Variants in TCF7L1 observed in about 807,000 individuals in gnomAD.
TCF7L1 encodes transcription factor 7 like 1.
Under a neutral mutation model 63.7 loss-of-function variants are expected in TCF7L1, and 18 were observed. The observed-to-expected ratio is 0.28, with a 90% CI of 0.20 to 0.42. TCF7L1 has a LOEUF of 0.42. TCF7L1 is among the 10% of genes least tolerant of loss of function. TCF7L1 has a pLI of 1.00. For synonymous variants in TCF7L1, 355 were observed against 340.9 expected, an observed-to-expected ratio of 1.04 and a Z score of -0.46; for missense variants, 654 against 779.3, an observed-to-expected ratio of 0.84 and a Z score of 1.91.
intron 3 of TCF7L1, among the ~76,000 whole-genome samples, chr2:85,187,929 C>G (rs1249223961): frequency 6.6e-6 from 1 of 152,110 alleles, no homozygotes; most frequent in Non-Finnish European, 1.5e-5. Flanking sequence ...TGTGGTATAT[C>G]TATACCATGG....
At chr2:85,260,103 G>T (rs1330865589) in intron 3 of TCF7L1, among the ~76,000 whole-genome samples, 1 of 152,166 alleles carries the variant, frequency 6.6e-6, no homozygotes, top group East Asian at 1.9e-4. Flanking sequence ...ATCCCTGGAG[G>T]GCAGGCCTTC....
At chr2:85,257,532 G>C (rs1437204056) in intron 3 of TCF7L1, among the ~76,000 whole-genome samples, 1 of 152,172 alleles carries the variant, frequency 6.6e-6, no homozygotes, top group Non-Finnish European at 1.5e-5. Context: ...TTTGAAGAAA[G>C]CATCAAAGGC....
At chr2:85,299,825 CT>C in intron 4 of TCF7L1, among the ~76,000 whole-genome samples, 1 of 126,768 alleles carries the variant, frequency 7.9e-6, no homozygotes, top group Non-Finnish European at 1.6e-5. Context: ...CACCACTGCA[CT>C]CCAGCCTGGG....
intron 3 of TCF7L1, among the ~76,000 whole-genome samples, chr2:85,267,330 C>CA (rs1217663362): frequency 0.029 from 1,267 of 43,496 alleles, 17 homozygotes; most frequent in East Asian, 0.088. Flanking sequence ...GGCTCTGTCT[C>CA]AAAAAAAAAA....
At chr2:85,210,475 A>C (rs1367500313) in intron 3 of TCF7L1, among the ~76,000 whole-genome samples, 3 of 152,250 alleles carry the variant, frequency 2.0e-5, no homozygotes, top group African/African-American at 7.2e-5. Context: ...GTTGGAAAAG[A>C]ACAGGTAAAA....
At position 85,262,337 on chromosome 2, in the gene TCF7L1, A is replaced by AC. The variant is rs771518688; in HGVS notation, c.442-21155dup. ...CATGGTGGAATTTCACAAAGAGCACACCCGCACGCTGCCTCTGAGAGCAAC... is the reference window on the plus strand; with the variant it reads ...CATGGTGGAATTTCACAAAGAGCACACCCCGCACGCTGCCTCTGAGAGCAAC... On this transcript the variant is annotated intron_variant, in intron 3 of 11. Transcript: ENST00000282111. 71 of 505,246 alleles carry AC rather than the reference A, an allele frequency of 1.4e-4. No individual in the cohort carries two copies. The Middle Eastern group carries it at 1.8e-3, about 13-fold the overall frequency. The allele number at this position is 505,246 out of a possible 1,614,324, so 31.3% of individuals were successfully genotyped here.
intron 4 of TCF7L1, among the ~76,000 whole-genome samples, chr2:85,288,109 A>C (rs1438965709): frequency 6.6e-6 from 1 of 152,188 alleles, no homozygotes; most frequent in Non-Finnish European, 1.5e-5. Flanking sequence ...TTATTAAATG[A>C]GAGGGAAAGA....
At chr2:85,169,129 A>C (rs1051700602) in intron 3 of TCF7L1, among the ~76,000 whole-genome samples, 3 of 152,042 alleles carry the variant, frequency 2.0e-5, no homozygotes, top group African/African-American at 7.3e-5. Flanking sequence ...TCACACACCA[A>C]GTCTAAACTT....
At chr2:85,195,384 A>C (rs1679131198) in intron 3 of TCF7L1, among the ~76,000 whole-genome samples, 1 of 152,210 alleles carries the variant, frequency 6.6e-6, no homozygotes, top group Non-Finnish European at 1.5e-5. Context: ...CAAAAGGTCA[A>C]GGGTGCAGTG....
chr2:85,234,770 G>A (rs1213586623), intron 3 of TCF7L1, among the ~76,000 whole-genome samples: 3 of 152,158 alleles, frequency 2.0e-5, no homozygotes, highest in South Asian at 2.1e-4. Context: ...TCAGAATAGG[G>A]CTTTGTCGTC....
intron 3 of TCF7L1, among the ~76,000 whole-genome samples, chr2:85,245,814 C>CA (rs996553763): frequency 2.9e-5 from 4 of 136,108 alleles, no homozygotes; most frequent in Admixed American, 7.6e-5. Context: ...GACTCCATCT[C>CA]AAAAAAAAAT....
intron 3 of TCF7L1, among the ~76,000 whole-genome samples, chr2:85,251,721 C>G (rs374998814): frequency 7.1e-4 from 108 of 152,282 alleles, no homozygotes; most frequent in African/African-American, 2.6e-3. Flanking sequence ...AAGAAGCTAC[C>G]TACTGCTTGC....
At chr2:85,302,758 A>G in intron 5 of TCF7L1, 142 bp downstream of exon 5, 3 of 1,138,792 alleles carry the variant, frequency 2.6e-6, no homozygotes, top group Non-Finnish European at 3.7e-6. Context: ...TTGTCTGCTA[A>G]CTTTAGCCTT....
At chr2:85,153,774 T>C (rs187829522) in intron 3 of TCF7L1, among the ~76,000 whole-genome samples, 14 of 152,324 alleles carry the variant, frequency 9.2e-5, no homozygotes, top group Non-Finnish European at 1.9e-4. Context: ...TGATGATCAT[T>C]GTCGCTAACA....
At chr2:85,298,205 A>AAAAAAAAAAAAAAC (rs1394276772) in intron 4 of TCF7L1, among the ~76,000 whole-genome samples, 1 of 147,350 alleles carries the variant, frequency 6.8e-6, no homozygotes, top group African/African-American at 2.5e-5. Context: ...AAAAAAAAAA[A>AAAAAAAAAAAAAAC]AGTGCAGGCC....
intron 3 of TCF7L1, among the ~76,000 whole-genome samples, chr2:85,142,432 ATGTGTGT>A (rs1176693090): frequency 7.2e-6 from 1 of 138,078 alleles, no homozygotes; most frequent in Non-Finnish European, 1.5e-5. Context: ...AAAAAAAAAA[ATGTGTGT>A]GTGTGTGTGT....
intron 3 of TCF7L1, among the ~76,000 whole-genome samples, chr2:85,198,778 A>G (rs569358749): frequency 2.0e-5 from 3 of 152,270 alleles, no homozygotes; most frequent in East Asian, 1.9e-4. Context: ...GGAAGATCGC[A>G]TGAGCCCAAG....
chr2:85,304,158 C>T (rs531188772), intron 6 of TCF7L1, 97 bp from the exon 7 acceptor site: 1 of 1,366,464 alleles, frequency 7.3e-7, no homozygotes, highest in South Asian at 1.3e-5. Context: ...TACCTTCCCG[C>T]TTCCTTCCCA....
chr2:85,236,696 A>C (rs576306409), intron 3 of TCF7L1, among the ~76,000 whole-genome samples: 2 of 152,250 alleles, frequency 1.3e-5, no homozygotes, highest in South Asian at 2.1e-4. Context: ...TGTTGGGGGC[A>C]GGGGCAACAT....
Sources: gnomAD v4.1 joint callset for allele counts (sites outside exome capture counted in the v4.1 genomes callset) on GRCh38, gnomAD v4.1.1 for gene constraint, MANE v1.5 for transcripts, NCBI Gene and HGNC (gene_info 2026-07-23, HGNC 2026-07-21) for gene names.